The following ZFHX3 variants were observed in gnomAD, a reference collection of about 807,000 sequenced individuals.
ZFHX3 encodes the protein zinc finger homeobox 3, also known as zinc finger homeobox protein 3.
A neutral mutation model predicts 279.1 loss-of-function variants in ZFHX3; 42 were observed. The observed-to-expected ratio is 0.15, with a 90% CI of 0.12 to 0.19. The LOEUF is 0.19. Among genes scored for constraint, ZFHX3 ranks in the 10% least tolerant of loss-of-function variants. The probability of loss-of-function intolerance (pLI) is 1.00; values close to 1 mark genes in which losing one functional copy is unlikely to be tolerated. For missense variants in ZFHX3, 4,981 were observed against 4,754.0 expected (o/e 1.05, Z -1.40); for synonymous variants, 2,293 against 1,957.8 (o/e 1.17, Z -4.52).
At chr16:72,843,701 G>T (rs183398556) in intron 4 of ZFHX3, among the ~76,000 whole-genome samples, 107 of 152,192 alleles carry the variant, frequency 7.0e-4, no homozygotes, top group African/African-American at 2.5e-3. Flanking sequence ...CTGGGTGCTG[G>T]CTCTGCGGGA....
intron 1 of ZFHX3, among the ~76,000 whole-genome samples, chr16:73,778,236 T>TAAAAAAAAAAAA (rs10654824): frequency 1.4e-4 from 8 of 58,706 alleles, no homozygotes; most frequent in East Asian, 6.6e-4. Context: ...GAAGGAGTGT[T>TAAAAAAAAAAAA]AAAAAAAAAA....
rs1382585863 is a variant in ZFHX3, at chr16:73,591,632, G to T, written c.-1547+88548C>A. On this transcript the variant is annotated intron_variant, in intron 2 of 17. Coordinates refer to the ZFHX3 transcript ENST00000641206. The stretch of plus-strand genomic sequence containing the variant: ...GGTGTGAACCCGGCAGGCAGAGGTT[G>T]CAGTGAGCTGAGATCATGCCACTGC... 1.2e-4 allele frequency among the ~76,000 whole-genome samples: 16 copies of T among 134,604 alleles called. No individual in the cohort carries two copies. In the East Asian group the frequency reaches 4.1e-3, roughly 35 times the overall value. The allele number at this position is 134,604 out of a possible 152,430, so 88.3% of individuals were successfully genotyped here. A position where few individuals can be genotyped will look rare whatever the true frequency, so the allele number is the denominator to read the frequency against.
chr16:73,604,318 T>G (rs1350406969), intron 2 of ZFHX3, among the ~76,000 whole-genome samples: 3 of 152,080 alleles, frequency 2.0e-5, no homozygotes, highest in Non-Finnish European at 4.4e-5. Flanking sequence ...AATTACCAAA[T>G]AAACACTATT....
At chr16:73,851,096 T>C (rs1961584134) in intron 1 of ZFHX3, among the ~76,000 whole-genome samples, 1 of 152,224 alleles carries the variant, frequency 6.6e-6, no homozygotes. Flanking sequence ...CGAGTTATAG[T>C]CTGTCTTACT....
At chr16:73,559,710 C>G (rs1427439222) in intron 2 of ZFHX3, among the ~76,000 whole-genome samples, 2 of 152,160 alleles carry the variant, frequency 1.3e-5, no homozygotes, top group East Asian at 3.9e-4. Flanking sequence ...GGCAGAACTT[C>G]TTGGAATAAA....
chr16:73,465,547 G>A (rs1038074592), intron 2 of ZFHX3, among the ~76,000 whole-genome samples: 6 of 151,976 alleles, frequency 3.9e-5, no homozygotes, highest in African/African-American at 7.3e-5. Flanking sequence ...CTACAGCATC[G>A]TCCACACTCT....
At chr16:73,174,123 CT>C (rs756527872) in intron 5 of ZFHX3, among the ~76,000 whole-genome samples, 2 of 152,122 alleles carry the variant, frequency 1.3e-5, no homozygotes, top group Non-Finnish European at 1.5e-5. Context: ...GGCGAGCCAC[CT>C]TTTTTTCCTT....
intron 2 of ZFHX3, among the ~76,000 whole-genome samples, chr16:73,669,830 G>A (rs1392027033): frequency 2.0e-5 from 3 of 152,172 alleles, no homozygotes; most frequent in Admixed American, 6.5e-5. Context: ...ACCCCAAACA[G>A]CTTTGCTGGG....
upstream of ZFHX3, among the ~76,000 whole-genome samples, chr16:73,049,048 G>C (rs574229194): frequency 2.6e-5 from 4 of 152,304 alleles, no homozygotes; most frequent in East Asian, 7.7e-4. Context: ...GTTGGTCAAA[G>C]TGATTGCTGG....
intron 3 of ZFHX3, among the ~76,000 whole-genome samples, chr16:73,321,216 C>T (rs2015567705): frequency 6.6e-6 from 1 of 152,144 alleles, no homozygotes; most frequent in Non-Finnish European, 1.5e-5. Context: ...TTCTAGGGTC[C>T]TATGATACGC....
intron 4 of ZFHX3, among the ~76,000 whole-genome samples, chr16:72,874,182 G>A (rs957017363): frequency 1.4e-5 from 2 of 144,866 alleles, no homozygotes; most frequent in Non-Finnish European, 3.0e-5. Flanking sequence ...CTGGAGCTCA[G>A]ATGGAGGATT....
At chr16:73,249,001 C>T (rs146365392) in intron 5 of ZFHX3, among the ~76,000 whole-genome samples, 10 of 152,314 alleles carry the variant, frequency 6.6e-5, no homozygotes, top group African/African-American at 1.4e-4. Context: ...TCACTTCAAA[C>T]TTTTGTGCTC....
intron 7 of ZFHX3, among the ~76,000 whole-genome samples, chr16:73,101,552 A>T (rs546264152): frequency 6.6e-6 from 1 of 151,626 alleles, no homozygotes; most frequent in African/African-American, 2.4e-5. Context: ...CTAATTTTTT[A>T]AATTTTTTTA....
chr16:73,573,732 G>T (rs912399274), intron 2 of ZFHX3, among the ~76,000 whole-genome samples: 2 of 152,146 alleles, frequency 1.3e-5, no homozygotes, highest in African/African-American at 4.8e-5. Flanking sequence ...GAATCAAACG[G>T]TTTATTTTCC....
chr16:72,993,875 A>G (rs559712713), intron 1 of ZFHX3, among the ~76,000 whole-genome samples: 32 of 152,194 alleles, frequency 2.1e-4, no homozygotes, highest in African/African-American at 2.6e-4. Flanking sequence ...CGATCCCCCA[A>G]TGCATTCGGG....
intron 1 of ZFHX3, among the ~76,000 whole-genome samples, chr16:73,845,838 A>G (rs1451512350): frequency 6.6e-6 from 1 of 152,186 alleles, no homozygotes; most frequent in Non-Finnish European, 1.5e-5. Flanking sequence ...TTTTAGAGAC[A>G]GAGTCTCACT....
intron 2 of ZFHX3, among the ~76,000 whole-genome samples, chr16:73,618,676 G>A (rs1024551015): frequency 2.6e-5 from 4 of 152,170 alleles, no homozygotes; most frequent in Admixed American, 6.5e-5. Context: ...GTCTCCTGTT[G>A]ATGGAAACAG....
At chr16:72,874,552 T>C (rs1293387345) in intron 4 of ZFHX3, among the ~76,000 whole-genome samples, 1 of 151,998 alleles carries the variant, frequency 6.6e-6, no homozygotes, top group Non-Finnish European at 1.5e-5. Context: ...TTGGTGAGAA[T>C]GGCTACATGG....
chr16:73,127,230 C>A (rs1428658809), intron 7 of ZFHX3: 2 of 773,176 alleles, frequency 2.6e-6, no homozygotes, highest in Non-Finnish European at 3.6e-6. Context: ...TGTTACACAG[C>A]GGTTAGTATC....
Sources: gnomAD v4.1 joint callset for allele counts (sites outside exome capture counted in the v4.1 genomes callset) on GRCh38, gnomAD v4.1.1 for gene constraint, MANE v1.5 for transcripts, NCBI Gene and HGNC (gene_info 2026-07-23, HGNC 2026-07-21) for gene names.